The following ZBED6 variants were observed in gnomAD, a reference collection of about 807,000 sequenced individuals.
The protein encoded by ZBED6 is zinc finger BED-type containing 6.
ZBED6 carries 40 observed loss-of-function variants against 58.4 expected under a neutral mutation model. The observed-to-expected ratio is 0.68, with a 90% confidence interval of 0.53 to 0.89. ZBED6 has a LOEUF of 0.89. Among genes scored for constraint, ZBED6 ranks in the 40% least tolerant of loss-of-function variants. The pLI is 0.00. For synonymous variants in ZBED6, 439 were observed against 350.6 expected, an observed-to-expected ratio of 1.25 and a Z score of -2.82; for missense variants, 1,057 against 1,003.9, an observed-to-expected ratio of 1.05 and a Z score of -0.71.
intron 8 of ZBED6, among the ~76,000 whole-genome samples, chr1:203,833,344 G>A (rs970277868): frequency 2.2e-5 from 3 of 137,566 alleles, no homozygotes; most frequent in South Asian, 2.4e-4. Flanking sequence ...TAGCCTGGGC[G>A]ACAGAGTGAG....
chr1:203,846,988 G>A (rs1688082115), intron 11 of ZBED6, among the ~76,000 whole-genome samples, 196 bp from the exon 12 acceptor site: 1 of 151,290 alleles, frequency 6.6e-6, no homozygotes, highest in Admixed American at 6.6e-5. Flanking sequence ...CTGGGTAACA[G>A]AGTGAGACTC....
chr1:203,829,536 G>C, exon 5 of ZBED6: 1 of 1,613,998 alleles, frequency 6.2e-7, no homozygotes, highest in Non-Finnish European at 8.5e-7. Flanking sequence ...TGTCTGTCCA[G>C]TCCAATCCTT....
chr1:203,847,317 T>C, exon 12 of ZBED6: 12 of 1,613,882 alleles, frequency 7.4e-6, no homozygotes, highest in Non-Finnish European at 1.0e-5. Flanking sequence ...ATGATTCTAC[T>C]TCAGGAGCAA....
At chr1:203,817,734 T>C (rs996156230) in intron 2 of ZBED6, among the ~76,000 whole-genome samples, 8 of 152,036 alleles carry the variant, frequency 5.3e-5, no homozygotes, top group Non-Finnish European at 1.2e-4. Context: ...AAATTTGTTC[T>C]TCAGTCATCT....
At chr1:203,816,748 A>T (rs1048986494) in intron 1 of ZBED6, among the ~76,000 whole-genome samples, 178 bp from the exon 2 acceptor site, 1 of 152,168 alleles carries the variant, frequency 6.6e-6, no homozygotes, top group African/African-American at 2.4e-5. Context: ...TTCTAGTCAA[A>T]ATTTTACATT....
At chr1:203,818,987 C>T (rs1008905028) in intron 3 of ZBED6, among the ~76,000 whole-genome samples, 11 of 150,838 alleles carry the variant, frequency 7.3e-5, no homozygotes, top group Admixed American at 1.3e-4. Context: ...GAAAATCGCT[C>T]GAACCAGGGA....
chr1:203,845,846 A>G (rs1045155968), intron 11 of ZBED6, among the ~76,000 whole-genome samples: 5 of 152,242 alleles, frequency 3.3e-5, no homozygotes, highest in African/African-American at 4.8e-5. Flanking sequence ...AGCCTGGGCA[A>G]CAGAGCAAAA....
chr1:203,806,154 C>A, intron 1 of ZBED6: 2 of 503,130 alleles, frequency 4.0e-6, no homozygotes, highest in South Asian at 3.0e-5. Flanking sequence ...GCTCAGCATC[C>A]AATCTAGAAA....
intron 1 of ZBED6, among the ~76,000 whole-genome samples, chr1:203,816,288 G>A (rs1400299429): frequency 1.3e-5 from 2 of 152,014 alleles, no homozygotes; most frequent in African/African-American, 4.8e-5. Context: ...TTTCAAATTA[G>A]TAGGCAAAAA....
chr1:203,840,111 G>A (rs1444575942), intron 10 of ZBED6, among the ~76,000 whole-genome samples, 195 bp from the exon 11 acceptor site: 3 of 151,738 alleles, frequency 2.0e-5, no homozygotes, highest in African/African-American at 7.3e-5. Context: ...GCTAATTTTT[G>A]CAATTTTAGT....
At chr1:203,847,210 C>T in exon 12 of ZBED6, 14 of 1,613,418 alleles carry the variant, frequency 8.7e-6, no homozygotes, top group Non-Finnish European at 1.2e-5. Context: ...TGGTGAGATC[C>T]ATGTGAAGAC....
At chr1:203,805,997 C>G in intron 1 of ZBED6, 1 of 569,654 alleles carries the variant, frequency 1.8e-6, no homozygotes, top group Non-Finnish European at 3.4e-6. Context: ...GTGTAATTAA[C>G]TTGTTTCATG....
chr1:203,839,920 C>T (rs1287818958), intron 10 of ZBED6, among the ~76,000 whole-genome samples: 1 of 152,124 alleles, frequency 6.6e-6, no homozygotes, highest in Non-Finnish European at 1.5e-5. Context: ...TCTCCTGTCT[C>T]AGCCTCCAGA....
Position 203,821,979 on chromosome 1 carries a change from G to A in ZBED6, c.*2873+3290G>A, listed in dbSNP as rs139320806. Among the ~76,000 whole-genome samples the A allele has an allele frequency of 8.9e-3, 1,354 of 152,100 alleles. 27 individuals are homozygous for A. Among genetic ancestry groups the A allele is most frequent in the African/African-American group, 0.031 (1,300 of 41,496 alleles). ...TCACCGTGTTAGCCAGGATGGTCTC[G>A]ATCTGCTGACCTCGTGATCCGCCCG... On this transcript the variant is annotated intron_variant, in intron 3 of 16. Transcript: ENST00000550078.
intron 1 of ZBED6, among the ~76,000 whole-genome samples, chr1:203,815,216 C>CTTTTCTTTT (rs1553261508): frequency 3.1e-5 from 3 of 97,146 alleles, no homozygotes; most frequent in African/African-American, 1.2e-4. Context: ...CTTTTCTTTT[C>CTTTTCTTTT]TTTTTTTTTT....
At chr1:203,807,282 A>T (rs1451216315) in intron 1 of ZBED6, among the ~76,000 whole-genome samples, 1 of 152,094 alleles carries the variant, frequency 6.6e-6, no homozygotes, top group Non-Finnish European at 1.5e-5. Flanking sequence ...AAACATTTTT[A>T]AAATTTTTAT....
At chr1:203,806,112 T>C (rs1014328403) in intron 1 of ZBED6, 6 of 499,246 alleles carry the variant, frequency 1.2e-5, no homozygotes, top group Non-Finnish European at 2.4e-5. Flanking sequence ...TAGGACCCCC[T>C]CTCATCTTGA....
intron 1 of ZBED6, among the ~76,000 whole-genome samples, chr1:203,808,768 T>G (rs1673227439): frequency 6.6e-6 from 1 of 152,228 alleles, no homozygotes; most frequent in East Asian, 1.9e-4. Context: ...GAAATTAGAG[T>G]CTTCATCTTC....
At chr1:203,837,868 C>G in intron 9 of ZBED6, 98 bp from the exon 10 acceptor site, 1 of 1,133,030 alleles carries the variant, frequency 8.8e-7, no homozygotes, top group Non-Finnish European at 1.3e-6. Flanking sequence ...ATGCAGAACA[C>G]TTAACAGAAT....
Sources: gnomAD v4.1 joint callset for allele counts (sites outside exome capture counted in the v4.1 genomes callset) on GRCh38, gnomAD v4.1.1 for gene constraint, MANE v1.5 for transcripts, NCBI Gene and HGNC (gene_info 2026-07-23, HGNC 2026-07-21) for gene names.